Variants in KCNT2 observed in about 807,000 individuals in gnomAD.
The protein encoded by KCNT2 is potassium sodium-activated channel subfamily T member 2.
A neutral mutation model predicts 153.8 loss-of-function variants in KCNT2; 67 were observed. That is an observed-to-expected ratio of 0.44 (90% CI 0.36 to 0.53). The LOEUF (loss-of-function observed/expected upper bound fraction) is 0.53. Ranked by LOEUF, KCNT2 falls within the 20% of genes least tolerant of loss-of-function variation. The pLI is 0.00. For synonymous variants in KCNT2, 500 were observed against 458.8 expected (o/e 1.09, Z -1.15); for missense variants, 975 against 1,354.8 (o/e 0.72, Z 4.40).
At chr1:196,351,932 C>T (rs1260237664) in intron 14 of KCNT2, among the ~76,000 whole-genome samples, 1 of 152,128 alleles carries the variant, frequency 6.6e-6, no homozygotes, top group Non-Finnish European at 1.5e-5. Flanking sequence ...TGAATTTTGT[C>T]AATGGCCTTT....
intron 1 of KCNT2, among the ~76,000 whole-genome samples, chr1:196,501,417 A>G (rs960333827): frequency 6.6e-6 from 1 of 152,174 alleles, no homozygotes; most frequent in African/African-American, 2.4e-5. Flanking sequence ...AAAAAAGAAA[A>G]ATAATGAAAT....
intron 19 of KCNT2, among the ~76,000 whole-genome samples, chr1:196,323,307 A>G (rs1663515709): frequency 6.6e-6 from 1 of 152,004 alleles, no homozygotes; most frequent in Non-Finnish European, 1.5e-5. Flanking sequence ...TATTAAGAGC[A>G]AAAGCCTGGA....
intron 14 of KCNT2, among the ~76,000 whole-genome samples, chr1:196,352,008 T>G (rs1666750655): frequency 6.6e-6 from 1 of 152,220 alleles, no homozygotes; most frequent in Non-Finnish European, 1.5e-5. Context: ...GGATTACATT[T>G]ATTGATTTGC....
chr1:196,595,642 A>T (rs2149014732), intron 1 of KCNT2, among the ~76,000 whole-genome samples: 1 of 152,284 alleles, frequency 6.6e-6, no homozygotes. Context: ...AAATAATTGT[A>T]ATACTGTACT....
Position 196,385,644 on chromosome 1 carries a change from T to C in KCNT2, c.1295-12396A>G, listed in dbSNP as rs893804451. The stretch of plus-strand genomic sequence containing the variant: ...TACAACTCTGTGTAATAAATAAAGA[T>C]TTAAAATTTTAATGAAGAATTAAAG... On this transcript the variant is annotated intron_variant, in intron 13 of 27. Coordinates refer to ENST00000294725, the MANE Select transcript of KCNT2 (RefSeq NM_198503.5). 2.6e-5 allele frequency among the ~76,000 whole-genome samples: 4 copies of C among 151,844 alleles called. 1 individual carries two copies. The highest frequency in any genetic ancestry group is 2.6e-4 in the Admixed American group (4 of 15,220).
At chr1:196,522,611 G>C (rs9803821) in intron 1 of KCNT2, among the ~76,000 whole-genome samples, 4,625 of 152,298 alleles carry the variant, frequency 0.03, 241 homozygotes, top group African/African-American at 0.11. Flanking sequence ...CCTGGGTCGA[G>C]TGGGGACTTA....
intron 5 of KCNT2, among the ~76,000 whole-genome samples, chr1:196,476,201 CA>C (rs1252394329): frequency 1.3e-5 from 2 of 152,112 alleles, no homozygotes; most frequent in Non-Finnish European, 2.9e-5. Flanking sequence ...GGCCATGTTA[CA>C]GTTTTGTATA....
chr1:196,316,117 T>G, intron 20 of KCNT2, 91 bp from the exon 21 acceptor site: 1 of 1,190,538 alleles, frequency 8.4e-7, no homozygotes, highest in Non-Finnish European at 1.2e-6. Flanking sequence ...CCTGTGCTTA[T>G]ATAAGTTGCC....
rs143261981 is a variant in KCNT2 at position 196,295,138 on chromosome 1, G to A, written c.2596-9380C>T. Among the ~76,000 whole-genome samples the A allele has an allele frequency of 5.0e-3, 758 of 151,384 alleles. 4 individuals carry two copies. Among genetic ancestry groups the A allele is most frequent in the African/African-American group, 0.017 (710 of 41,364 alleles). On this transcript the variant is annotated intron_variant, in intron 22 of 27. Transcript: ENST00000294725. ...CATAACACATTGTAAATATATATAT[G>A]TGTATATATGTATATATGTGTATAT...
intron 17 of KCNT2, among the ~76,000 whole-genome samples, chr1:196,332,765 G>A (rs1163485508): frequency 6.6e-6 from 1 of 151,224 alleles, no homozygotes; most frequent in Non-Finnish European, 1.5e-5. Flanking sequence ...TCAGTTTACA[G>A]GTAAATAAAT....
intron 8 of KCNT2, among the ~76,000 whole-genome samples, chr1:196,448,971 T>C (rs1322764343): frequency 6.6e-6 from 1 of 151,762 alleles, no homozygotes; most frequent in Non-Finnish European, 1.5e-5. Flanking sequence ...ACTTTATAAA[T>C]TACACAATGC....
At chr1:196,561,405 G>C (rs1005431649) in intron 1 of KCNT2, among the ~76,000 whole-genome samples, 3 of 151,316 alleles carry the variant, frequency 2.0e-5, no homozygotes, top group Non-Finnish European at 4.4e-5. Context: ...GAGTGATAAA[G>C]AAGAGAAGTA....
chr1:196,393,813 G>T (rs765659834), intron 13 of KCNT2, among the ~76,000 whole-genome samples: 2 of 151,534 alleles, frequency 1.3e-5, no homozygotes, highest in Admixed American at 1.3e-4. Context: ...CCAGGTGATT[G>T]TAGATCCGAT....
chr1:196,366,708 C>A (rs1234280849), intron 14 of KCNT2, among the ~76,000 whole-genome samples: 1 of 152,094 alleles, frequency 6.6e-6, no homozygotes, highest in African/African-American at 2.4e-5. Flanking sequence ...CATAGCACTA[C>A]TGCCAGCAGA....
At chr1:196,510,098 T>C (rs1005644118) in intron 1 of KCNT2, among the ~76,000 whole-genome samples, 23 of 152,084 alleles carry the variant, frequency 1.5e-4, no homozygotes, top group African/African-American at 5.1e-4. Context: ...GTATATATAG[T>C]ACACTCAGGG....
chr1:196,536,361 C>A (rs1274611878), intron 1 of KCNT2, among the ~76,000 whole-genome samples: 1 of 152,206 alleles, frequency 6.6e-6, no homozygotes, highest in Non-Finnish European at 1.5e-5. Flanking sequence ...GCTAACAGTG[C>A]AGATTATCAT....
intron 23 of KCNT2, among the ~76,000 whole-genome samples, chr1:196,284,248 A>AAAAAAAAAAAAAAT: frequency 2.0e-4 from 2 of 10,050 alleles, no homozygotes; most frequent in South Asian, 6.3e-3. Context: ...AAAAAAAAAA[A>AAAAAAAAAAAAAAT]ATATATATAT....
chr1:196,239,886 TAGA>T (rs976063150), intron 26 of KCNT2, among the ~76,000 whole-genome samples: 8 of 151,834 alleles, frequency 5.3e-5, no homozygotes, highest in African/African-American at 1.5e-4. Context: ...GTGTCCACAT[TAGA>T]AGAAGAAGAG....
At chr1:196,434,974 A>T (rs1206775231) in intron 8 of KCNT2, among the ~76,000 whole-genome samples, 1 of 151,180 alleles carries the variant, frequency 6.6e-6, no homozygotes, top group Non-Finnish European at 1.5e-5. Context: ...ATTTCTCCTC[A>T]GGCCATTACT....
Sources: allele counts gnomAD v4.1 joint callset (sites outside exome capture counted in the v4.1 genomes callset), GRCh38; gene constraint gnomAD v4.1.1; transcripts MANE v1.5; gene names NCBI Gene and HGNC (gene_info 2026-07-23, HGNC 2026-07-21).